The following APTX variants were observed in gnomAD, a reference collection of about 807,000 sequenced individuals.
APTX encodes aprataxin.
In APTX, 33 loss-of-function variants were observed where a neutral mutation model predicts 42.3. That is an observed-to-expected ratio of 0.78 (90% CI 0.59 to 1.04). APTX has a LOEUF of 1.04. APTX is among the 50% of genes least tolerant of loss of function. The probability of loss-of-function intolerance (pLI) is 0.00; values close to 1 mark genes in which losing one functional copy is unlikely to be tolerated. For synonymous variants in APTX, 130 were observed against 146.7 expected, an observed-to-expected ratio of 0.89 and a Z score of 0.82; for missense variants, 421 against 415.1, an observed-to-expected ratio of 1.01 and a Z score of -0.12.
chr9:33,013,807 A>C (rs10971313), intron 1 of APTX, among the ~76,000 whole-genome samples: 10,742 of 152,272 alleles, frequency 0.071, 514 homozygotes, highest in Non-Finnish European at 0.11. Flanking sequence ...CCGTCTAAAA[A>C]ACAAAACAAA....
At chr9:33,004,178 C>G (rs911196381), upstream of APTX, among the ~76,000 whole-genome samples, 8 of 152,184 alleles carry the variant, frequency 5.3e-5, no homozygotes, top group Non-Finnish European at 7.3e-5. Flanking sequence ...GAATGGAAAA[C>G]CAAATACCAC....
intron 1 of APTX, among the ~76,000 whole-genome samples, chr9:33,024,579 A>C (rs1838695395): frequency 6.6e-6 from 1 of 152,180 alleles, no homozygotes; most frequent in Admixed American, 6.5e-5. Flanking sequence ...CCCTCTGTAC[A>C]TCAAAGACGG....
rs758759074 is a variant in APTX, at chr9:32,988,085, G to T, written c.178C>A (p.Gln60Lys). The T allele has an allele frequency of 6.2e-7, 1 of 1,613,842 alleles. No individual in the cohort carries two copies. Among genetic ancestry groups the T allele is most frequent in the Non-Finnish European group, 8.5e-7 (1 of 1,179,774 alleles). Reference sequence around the variant, plus strand: ...TTCCAAGTTATAAATACACCTACCTGCTTTACCTTGACATATCCCTTGTTA... The same window carrying T: ...TTCCAAGTTATAAATACACCTACCTTCTTTACCTTGACATATCCCTTGTTA... ...ECNKGYVKVK[Q>K]VGVNPTSIDS... Residue 60 changes from glutamine (Q) to lysine (K), a missense_variant and splice_region_variant, in exon 3 of 8, where the codon CAG (glutamine) becomes AAG (lysine). Gln to Lys is a moderately conservative substitution (Grantham distance 53). Coordinates refer to ENST00000379817, the MANE Select transcript of APTX (RefSeq NM_001195248.2).
intron 1 of APTX, among the ~76,000 whole-genome samples, chr9:32,991,502 G>C (rs1356887134): frequency 1.3e-5 from 2 of 152,094 alleles, no homozygotes; most frequent in African/African-American, 2.4e-5. Flanking sequence ...AGGACACACT[G>C]GCCAGGTGCG....
At chr9:32,987,408 C>T (rs1587468685) in intron 4 of APTX, 136 bp downstream of exon 4, 10 of 1,246,486 alleles carry the variant, frequency 8.0e-6, no homozygotes, top group Admixed American at 1.9e-5. Flanking sequence ...ATGATTTTCA[C>T]GCCACAAACA....
Position 33,019,695 on chromosome 9 carries a change from G to T in APTX, c.-5+5328C>A, listed in dbSNP as rs1250369070. 5 of 502,220 alleles carry T rather than the reference G, an allele frequency of 1.0e-5. No homozygotes were observed. The Admixed American group carries it at 1.6e-4, about 16-fold the overall frequency. 31.1% of individuals were successfully genotyped at this position (502,220 alleles called of 1,614,324 possible). ...GTTAGACCTCGCCCCATTTTCCCAGGCCAGGCTTAGCGGGAAACTGGGGGC... is the reference window on the plus strand; with the variant it reads ...GTTAGACCTCGCCCCATTTTCCCAGTCCAGGCTTAGCGGGAAACTGGGGGC... On this transcript the variant is annotated intron_variant, in intron 1 of 6. Transcript: ENST00000436040.
intron 1 of APTX, among the ~76,000 whole-genome samples, chr9:32,996,743 G>T (rs926867926): frequency 6.6e-5 from 10 of 152,170 alleles, no homozygotes; most frequent in African/African-American, 1.9e-4. Flanking sequence ...GTTTAATGTG[G>T]ATGTAATTCT....
chr9:33,024,248 C>T (rs1307227583), intron 1 of APTX, among the ~76,000 whole-genome samples: 5 of 152,170 alleles, frequency 3.3e-5, no homozygotes, highest in Non-Finnish European at 7.4e-5. Flanking sequence ...TCTGAGCTCA[C>T]GCAATCAGCC....
chr9:33,003,028 G>C (rs1836812067), upstream of APTX, among the ~76,000 whole-genome samples: 2 of 152,174 alleles, frequency 1.3e-5, no homozygotes, highest in African/African-American at 2.4e-5. Flanking sequence ...TACAGCTGAG[G>C]AATGTTGTTC....
chr9:33,018,338 T>TG (rs1233205066), intron 1 of APTX, among the ~76,000 whole-genome samples: 1 of 151,564 alleles, frequency 6.6e-6, no homozygotes, highest in African/African-American at 2.4e-5. Flanking sequence ...AAGGCCGAGG[T>TG]GGGCGGATCA....
intron 1 of APTX, among the ~76,000 whole-genome samples, chr9:32,993,604 C>T (rs1834147581): frequency 6.6e-6 from 1 of 152,120 alleles, no homozygotes; most frequent in Non-Finnish European, 1.5e-5. Context: ...CTTCTCTCTC[C>T]CTTCCTTCTA....
chr9:32,989,607 A>C, intron 2 of APTX, 152 bp downstream of exon 2: 30 of 1,107,290 alleles, frequency 2.7e-5, no homozygotes, highest in Non-Finnish European at 3.7e-5. Context: ...AGGAATAAAT[A>C]GGGCCCTGGT....
intron 1 of APTX, chr9:33,001,334 G>A (rs1170291290): frequency 6.6e-7 from 1 of 1,524,766 alleles, no homozygotes; most frequent in Admixed American, 2.0e-5. Context: ...GGTACATACA[G>A]GTGTCGGGAG....
intron 6 of APTX, among the ~76,000 whole-genome samples, chr9:32,982,916 C>A (rs1831017132): frequency 6.6e-6 from 1 of 152,072 alleles, no homozygotes; most frequent in Admixed American, 6.6e-5. Flanking sequence ...TATGACCTAA[C>A]AATTCCATCT....
intron 1 of APTX, among the ~76,000 whole-genome samples, chr9:32,996,379 G>T (rs1834945127): frequency 6.6e-6 from 1 of 151,242 alleles, no homozygotes; most frequent in African/African-American, 2.4e-5. Flanking sequence ...GGGCTAAAGT[G>T]GTCCTCCAGC....
At chr9:32,999,499 C>A (rs2119086592) in intron 1 of APTX, among the ~76,000 whole-genome samples, 1 of 152,304 alleles carries the variant, frequency 6.6e-6, no homozygotes, top group South Asian at 2.1e-4. Context: ...AAAACAAGGT[C>A]TCATAAGTGA....
chr9:33,018,934 T>C (rs1026049745), intron 1 of APTX, among the ~76,000 whole-genome samples: 2 of 152,016 alleles, frequency 1.3e-5, no homozygotes, highest in Non-Finnish European at 2.9e-5. Flanking sequence ...ATAAGTAAAG[T>C]CTGAGAAACT....
rs1350570472 is a variant in APTX, at chr9:32,973,155, A to G, written c.*343T>C. On this transcript the variant is annotated 3_prime_UTR_variant, in exon 8 of 8. Coordinates refer to ENST00000379817, the MANE Select transcript of APTX (RefSeq NM_001195248.2). ...GAGGCGGAGGATAAATCTAAGAAAC[A>G]GAAATGTATAACCAGCCCAATGCTT... 2.1e-6 allele frequency: 1 copy of G among 474,130 alleles called. No individual in the cohort carries two copies. The highest frequency in any genetic ancestry group is 2.3e-5 in the Admixed American group (1 of 43,098). 29.4% of individuals were successfully genotyped at this position (474,130 alleles called of 1,614,324 possible).
intron 1 of APTX, among the ~76,000 whole-genome samples, chr9:33,023,120 T>G (rs976756656): frequency 4.7e-5 from 7 of 149,922 alleles, no homozygotes; most frequent in African/African-American, 1.7e-4. Flanking sequence ...TGAGCCACCA[T>G]GCACCCCCTA....
Sources: allele counts gnomAD v4.1 joint callset (sites outside exome capture counted in the v4.1 genomes callset), GRCh38; gene constraint gnomAD v4.1.1; transcripts MANE v1.5; gene names NCBI Gene and HGNC (gene_info 2026-07-23, HGNC 2026-07-21).